Variants in ZNF585B observed in about 807,000 individuals in gnomAD.
ZNF585B encodes zinc finger protein 41-like protein.
Under a neutral mutation model 14.0 loss-of-function variants are expected in ZNF585B, and 7 were observed. That is an observed-to-expected ratio of 0.50 (90% confidence interval 0.28 to 0.94). The LOEUF (loss-of-function observed/expected upper bound fraction) is 0.94, where lower values mean the gene tolerates loss of function less well. Among genes scored for constraint, ZNF585B ranks in the 40% least tolerant of loss-of-function variants. The probability of loss-of-function intolerance (pLI) is 0.09; values close to 1 mark genes in which losing one functional copy is unlikely to be tolerated. For synonymous variants in ZNF585B, 290 were observed against 317.3 expected (o/e 0.91, Z 0.91); for missense variants, 750 against 924.4 (o/e 0.81, Z 2.45).
intron 4 of ZNF585B, 155 bp downstream of exon 4, chr19:37,189,506 A>T: frequency 1.4e-6 from 1 of 705,792 alleles, no homozygotes; most frequent in Non-Finnish European, 2.4e-6. Flanking sequence ...GAAGGCATTT[A>T]GTGATCTGAG....
At chr19:37,206,104 T>A (rs549707230) in intron 2 of ZNF585B, among the ~76,000 whole-genome samples, 180 of 148,980 alleles carry the variant, frequency 1.2e-3, no homozygotes, top group African/African-American at 4.4e-3. Context: ...AAATAAATAA[T>A]TTAAAAAATA....
rs895840659 is a variant in ZNF585B at position 37,181,949 on chromosome 19, C to T, written c.*3278G>A. ...GTCATTATTCATTTGTCTCAACCCA[C>T]AGAATGCACATCAAGACTGAACCCT... On this transcript the variant is annotated 3_prime_UTR_variant, in exon 5 of 5. Transcript: ENST00000532828. 1.3e-5 allele frequency: 2 copies of T among 152,140 alleles called. No individual in the cohort carries two copies. Among genetic ancestry groups the T allele is most frequent in the African/African-American group, 4.8e-5 (2 of 41,420 alleles). The allele number at this position is 152,140 out of a possible 1,614,324, so 9.4% of individuals were successfully genotyped here. A position where few individuals can be genotyped will look rare whatever the true frequency, so the allele number is the denominator to read the frequency against.
Position 37,186,952 on chromosome 19 carries a change from A to C in ZNF585B, c.585T>G (p.Phe195Leu). ...PYKCNECGKS[F>L]FQVSSLFRHH... ...GCCTGAAAAGAGACGATACTTGAAA[A>C]AAGGATTTTCCACATTCATTGCACT... is the stretch of plus-strand genomic sequence containing the variant. The change falls in exon 5 of 5, where the codon TTT becomes TTG. Residue 195 changes from phenylalanine (F) to leucine (L), a missense_variant. Phe to Leu is a conservative substitution (Grantham distance 22, BLOSUM62 0). This residue lies in a region of ZNF585B where 517 missense variants were observed against 570.3 expected (regional missense o/e 0.91). Coordinates refer to ENST00000532828, the MANE Select transcript of ZNF585B (RefSeq NM_152279.4). The C allele has an allele frequency of 4.3e-6, 7 of 1,614,160 alleles. No individual in the cohort carries two copies. The highest frequency in any genetic ancestry group is 5.9e-6 in the Non-Finnish European group (7 of 1,180,026).
chr19:37,207,886 C>T (rs1972602422), intron 1 of ZNF585B, among the ~76,000 whole-genome samples: 1 of 152,124 alleles, frequency 6.6e-6, no homozygotes, highest in East Asian at 1.9e-4. Context: ...ATTGAGTGTG[C>T]ACACGGCATT....
rs71177429 is a variant in ZNF585B, at chr19:37,195,345, C to CAAAAAAAA, written c.73-5203_73-5196dup. Among the ~76,000 whole-genome samples, 68 of 14,296 alleles carry CAAAAAAAA rather than the reference C, an allele frequency of 4.8e-3. 2 individuals are homozygous for CAAAAAAAA. Among genetic ancestry groups the CAAAAAAAA allele is most frequent in the South Asian group, 0.013 (3 of 236 alleles). 9.4% of individuals were successfully genotyped at this position (14,296 alleles called of 152,430 possible). On this transcript the variant is annotated intron_variant, in intron 2 of 4. Coordinates refer to ENST00000532828, the MANE Select transcript of ZNF585B (RefSeq NM_152279.4). ...TAGGCAACAGAGCGAGACTCTGACT[C>CAAAAAAAA]AAAAAAAAAAAAAAAAAAAAAAAAA...
chr19:37,186,149 T>C lies in ZNF585B; in HGVS notation c.1388A>G (p.Glu463Gly). The C allele has an allele frequency of 6.2e-7, 1 of 1,614,226 alleles. No homozygotes were observed. The highest frequency in any genetic ancestry group is 1.1e-5 in the South Asian group (1 of 91,086). Residue 463 changes from glutamate (E) to glycine (G), a missense_variant, in exon 5 of 5, where the codon GAA (glutamate) becomes GGA (glycine). By Grantham distance (98) the Glu-to-Gly change is moderately conservative. This residue lies in a region of ZNF585B where 517 missense variants were observed against 570.3 expected (regional missense o/e 0.91). Coordinates refer to ENST00000532828, the MANE Select transcript of ZNF585B (RefSeq NM_152279.4). ...LHVHKRIHTG[E>G]KPYVCNKCGK... ...ACATTTATTGCATACATAGGGCTTT[T>C]CTCCTGTGTGAATTCGTTTATGAAC...
intron 2 of ZNF585B, among the ~76,000 whole-genome samples, chr19:37,198,239 T>A (rs1388935760): frequency 6.6e-6 from 1 of 152,096 alleles, no homozygotes; most frequent in East Asian, 1.9e-4. Flanking sequence ...TGGCGTGATC[T>A]TGGCTTACTG....
rs73624817 is a variant in ZNF585B, at chr19:37,187,323, C to T, written c.293-79G>A. On this transcript the variant is annotated intron_variant, in intron 4 of 4. Transcript: ENST00000532828. ...CTCTTCTTAACATTCTTTGAAGCATCGTTTCTATCATGAATGTGTAGATCT... is the reference window on the plus strand; with the variant it reads ...CTCTTCTTAACATTCTTTGAAGCATTGTTTCTATCATGAATGTGTAGATCT... 3,048 of 1,089,626 alleles carry T rather than the reference C, an allele frequency of 2.8e-3. 44 individuals are homozygous for T. The African/African-American group carries it at 0.036, about 13-fold the overall frequency. The allele number at this position is 1,089,626 out of a possible 1,614,324, so 67.5% of individuals were successfully genotyped here. A position where few individuals can be genotyped will look rare whatever the true frequency, so the allele number is the denominator to read the frequency against.
At chr19:37,208,623 G>T (rs560689610) in intron 1 of ZNF585B, among the ~76,000 whole-genome samples, 2 of 151,540 alleles carry the variant, frequency 1.3e-5, no homozygotes, top group South Asian at 2.1e-4. Flanking sequence ...ACTGGAAAAG[G>T]TATGAAAATT....
At chr19:37,203,635 T>G (rs188057160) in intron 2 of ZNF585B, among the ~76,000 whole-genome samples, 21 of 152,368 alleles carry the variant, frequency 1.4e-4, no homozygotes, top group Non-Finnish European at 1.9e-4. Context: ...TTTTGTTTTG[T>G]TTTGGTTTTT....
intron 2 of ZNF585B, among the ~76,000 whole-genome samples, chr19:37,194,390 G>A (rs1280971581): frequency 6.6e-6 from 1 of 152,154 alleles, no homozygotes; most frequent in Non-Finnish European, 1.5e-5. Context: ...GAGGCACATG[G>A]ACCACCTGAG....
In ZNF585B at chr19:37,184,644, T is replaced by A. The variant is rs112794863; in HGVS notation, c.*583A>T. 1,224 of 185,166 alleles carry A rather than the reference T, an allele frequency of 6.6e-3. 21 individuals are homozygous for A. Among genetic ancestry groups the A allele is most frequent in the African/African-American group, 0.027 (1,172 of 42,942 alleles). The allele number at this position is 185,166 out of a possible 1,614,324, so 11.5% of individuals were successfully genotyped here. The stretch of plus-strand genomic sequence containing the variant: ...TTTCTATGACAATGGGGACTCAACA[T>A]ACGCTCTGAGGTCTGTGTCTGAATA... On this transcript the variant is annotated 3_prime_UTR_variant, in exon 5 of 5. Transcript: ENST00000532828.
chr19:37,191,228 T>C (rs963216914), intron 2 of ZNF585B, among the ~76,000 whole-genome samples: 6 of 152,204 alleles, frequency 3.9e-5, no homozygotes, highest in Non-Finnish European at 7.3e-5. Context: ...ACCTGAGTGA[T>C]AAGAAATTTC....
Position 37,207,189 on chromosome 19 carries a change from C to T in ZNF585B, c.-78G>A. 1.3e-6 allele frequency: 2 copies of T among 1,597,912 alleles called. No individual in the cohort carries two copies. The highest frequency in any genetic ancestry group is 1.1e-5 in the South Asian group (1 of 90,022). ...CATCTGTGAACTCAGCAGAGCTGCT[C>T]CGAAGAGGTGGGCTGGAGTCTGGAG... On this transcript the variant is annotated 5_prime_UTR_variant, in exon 2 of 5. Transcript: ENST00000532828.
At chr19:37,196,182 CA>C (rs762067923) in intron 2 of ZNF585B, among the ~76,000 whole-genome samples, 6 of 152,070 alleles carry the variant, frequency 3.9e-5, no homozygotes, top group Non-Finnish European at 5.9e-5. Flanking sequence ...AACTATAGAC[CA>C]GTATCTTTCA....
At position 37,186,910 on chromosome 19, in the gene ZNF585B, G is replaced by A. The variant is rs150429522; in HGVS notation, c.627C>T (p.Thr209=). ...CACTACATTCATATAGTTTTTCTCC[G>A]GTATGAATTCTGTGATGCCTGAAAA... ...SSLFRHHRIH[T]GEKLYECSEC... Residue 209 remains threonine (T), a synonymous_variant, in exon 5 of 5, where the codon ACC becomes ACT. Coordinates refer to ENST00000532828, the MANE Select transcript of ZNF585B (RefSeq NM_152279.4). 77 of 1,613,886 alleles carry A rather than the reference G, an allele frequency of 4.8e-5. No homozygotes were observed. The highest frequency in any genetic ancestry group is 3.7e-4 in the African/African-American group (28 of 74,956).
chr19:37,198,832 G>A, intron 2 of ZNF585B: 1 of 517,812 alleles, frequency 1.9e-6, no homozygotes, highest in Non-Finnish European at 3.4e-6. Context: ...TTGTATAGAG[G>A]TCACTGGATT....
intron 2 of ZNF585B, chr19:37,199,124 C>T: frequency 1.3e-6 from 1 of 744,092 alleles, no homozygotes; most frequent in Admixed American, 2.6e-5. Context: ...CTACACACAC[C>T]AAACTCCCCA....
chr19:37,199,636 TAGAG>T, intron 2 of ZNF585B: 3 of 277,798 alleles, frequency 1.1e-5, no homozygotes, highest in Non-Finnish European at 7.3e-6. Context: ...AAAACAAAAA[TAGAG>T]AGGAGATTAA....
Sources: allele counts gnomAD v4.1 joint callset (sites outside exome capture counted in the v4.1 genomes callset), GRCh38; gene constraint gnomAD v4.1.1; regional missense constraint gnomAD v4.1.1; transcripts MANE v1.5; gene names NCBI Gene and HGNC (gene_info 2026-07-23, HGNC 2026-07-21).